The following SLC2A1 variants were observed in gnomAD, a reference collection of about 807,000 sequenced individuals.
SLC2A1 encodes the protein solute carrier family 2 member 1.
SLC2A1 carries 4 observed loss-of-function variants against 46.6 expected under a neutral mutation model. That is an observed-to-expected ratio of 0.09 (90% CI 0.04 to 0.20). SLC2A1 has a LOEUF of 0.20. SLC2A1 is among the 10% of genes least tolerant of loss of function. The pLI, the probability that SLC2A1 is intolerant of heterozygous loss-of-function variation, is 1.00. For missense variants in SLC2A1, 352 were observed against 667.0 expected, an observed-to-expected ratio of 0.53 and a Z score of 5.20; for synonymous variants, 253 against 270.0, an observed-to-expected ratio of 0.94 and a Z score of 0.62.
chr1:42,933,736 G>T (rs949115876), intron 2 of SLC2A1, among the ~76,000 whole-genome samples: 1 of 151,552 alleles, frequency 6.6e-6, no homozygotes. Context: ...CCAGATAAAT[G>T]GCGCTTGCCC....
intron 1 of SLC2A1, among the ~76,000 whole-genome samples, chr1:42,957,498 G>A (rs1220412002): frequency 2.0e-5 from 3 of 152,122 alleles, no homozygotes; most frequent in Admixed American, 1.3e-4. Context: ...AGAAAACAAG[G>A]GCCATCCAGG....
chr1:42,925,788 C>T lies in SLC2A1; in HGVS notation c.*1253G>A, dbSNP rs1224291854. The T allele has an allele frequency of 6.6e-6, 1 of 152,118 alleles. No homozygotes were observed. Among genetic ancestry groups the T allele is most frequent in the African/African-American group, 2.4e-5 (1 of 41,422 alleles). 9.4% of individuals were successfully genotyped at this position (152,118 alleles called of 1,614,324 possible). A position where few individuals can be genotyped will look rare whatever the true frequency, so the allele number is the denominator to read the frequency against. On this transcript the variant is annotated 3_prime_UTR_variant, in exon 10 of 10. Coordinates refer to ENST00000426263, the MANE Select transcript of SLC2A1 (RefSeq NM_006516.4). The stretch of plus-strand genomic sequence containing the variant: ...TTAAAAGCAGGTGTTTTAGCTTATT[C>T]ACTGTGCGACTTCAGGCACATAACC...
intron 1 of SLC2A1, among the ~76,000 whole-genome samples, chr1:42,955,853 C>T (rs3768045): frequency 0.067 from 10,229 of 152,202 alleles, 704 homozygotes; most frequent in African/African-American, 0.16. Context: ...TTCCATCTGT[C>T]CCCTACTTCC....
chr1:42,937,879 G>C (rs1215863520), intron 2 of SLC2A1, among the ~76,000 whole-genome samples: 2 of 152,156 alleles, frequency 1.3e-5, no homozygotes, highest in Non-Finnish European at 2.9e-5. Flanking sequence ...GGCTTGGGTT[G>C]GGAGGCGGGT....
chr1:42,935,089 TGAG>T (rs1449421531), intron 2 of SLC2A1, among the ~76,000 whole-genome samples: 1 of 151,944 alleles, frequency 6.6e-6, no homozygotes, highest in African/African-American at 2.4e-5. Context: ...GCAAGCGTGT[TGAG>T]GAGGGAGGAG....
At position 42,930,425 on chromosome 1, in the gene SLC2A1, G is replaced by A. The variant is rs1439175670; in HGVS notation, c.516+201C>T. 6.5e-6 allele frequency: 5 copies of A among 774,382 alleles called. No homozygotes were observed. The highest frequency in any genetic ancestry group is 9.1e-6 in the Non-Finnish European group (4 of 439,866). 48.0% of individuals were successfully genotyped at this position (774,382 alleles called of 1,614,324 possible). A position where few individuals can be genotyped will look rare whatever the true frequency, so the allele number is the denominator to read the frequency against. ...TGGAAGCCTAGAGTGAGAAGAAAGGGACTGAGAAGAGTCAAGTCATCTTGC... is the reference window on the plus strand; with the variant it reads ...TGGAAGCCTAGAGTGAGAAGAAAGGAACTGAGAAGAGTCAAGTCATCTTGC... On this transcript the variant is annotated intron_variant, in intron 4 of 9. Transcript: ENST00000426263. The surrounding 1 kb of genome is among the most constrained non-coding windows in gnomAD (Gnocchi z 6.2).
At chr1:42,947,577 CACACAAA>C (rs1427215087) in intron 1 of SLC2A1, among the ~76,000 whole-genome samples, 11 of 25,674 alleles carry the variant, frequency 4.3e-4, no homozygotes, top group East Asian at 2.4e-3. Flanking sequence ...CACACACACA[CACACAAA>C]AAAAAAAAAA....
chr1:42,941,616 T>A (rs1030463136), intron 2 of SLC2A1, among the ~76,000 whole-genome samples: 1 of 152,190 alleles, frequency 6.6e-6, no homozygotes, highest in Non-Finnish European at 1.5e-5. Context: ...TTCGAATTGG[T>A]TGGGAAGCTT....
intron 1 of SLC2A1, among the ~76,000 whole-genome samples, chr1:42,950,555 G>A (rs1443852282): frequency 2.0e-5 from 3 of 152,240 alleles, no homozygotes; most frequent in Non-Finnish European, 4.4e-5. Context: ...ACATTTGGTG[G>A]TGAGATGGGC....
In SLC2A1 at chr1:42,930,060, G is replaced by A. The variant is rs201596280; in HGVS notation, c.517-25C>T. ...CCTGGGGGAAGCAGGGGCCGTGAGCGCCTCTGCCCTGACCCCCTTTCCCAC... is the reference window on the plus strand; with the variant it reads ...CCTGGGGGAAGCAGGGGCCGTGAGCACCTCTGCCCTGACCCCCTTTCCCAC... On this transcript the variant is annotated intron_variant, in intron 4 of 9. Transcript: ENST00000426263. This position sits in a 1 kb window ranked among gnomAD's most constrained non-coding sequence, Gnocchi z 6.2. The A allele has an allele frequency of 3.1e-4, 498 of 1,612,894 alleles. 3 individuals carry two copies. The Admixed American group carries it at 7.5e-3, about 24-fold the overall frequency.
chr1:42,929,877 C>G lies in SLC2A1; in HGVS notation c.675G>C (p.Lys225Asn), dbSNP rs1209468941. The G allele has an allele frequency of 6.2e-7, 1 of 1,614,170 alleles. No individual in the cohort carries two copies. Among genetic ancestry groups the G allele is most frequent in the Non-Finnish European group, 8.5e-7 (1 of 1,180,024 alleles). ...LINRNEENRA[K>N]SVLKKLRGTA... ...AGGGCAGGGCCATGCCCGTACCACT[C>G]TTGGCCCGGTTCTCCTCGTTGCGGT... The change falls in exon 5 of 10, where the codon AAG becomes AAC. Residue 225 changes from lysine to asparagine, a missense_variant. This residue lies in a region of SLC2A1 where 167 missense variants were observed against 280.8 expected (regional missense o/e 0.59). Coordinates refer to ENST00000426263, the MANE Select transcript of SLC2A1 (RefSeq NM_006516.4). This position sits in a 1 kb window ranked among gnomAD's most constrained non-coding sequence, Gnocchi z 6.0.
rs1170640739 is a variant in SLC2A1 at position 42,929,059 on chromosome 1, C to A, written c.973-26G>T. The A allele has an allele frequency of 1.9e-6, 3 of 1,608,180 alleles. No individual in the cohort carries two copies. The highest frequency in any genetic ancestry group is 2.6e-6 in the Non-Finnish European group (3 of 1,175,734). ...CTGTGGGCAGAGACAGTGTCAGTGC[C>A]ACCCCTGCCTAGTGCCCTTCTGAAC... On this transcript the variant is annotated intron_variant, in intron 7 of 9. Coordinates refer to ENST00000426263, the MANE Select transcript of SLC2A1 (RefSeq NM_006516.4). The surrounding 1 kb of genome is among the most constrained non-coding windows in gnomAD (Gnocchi z 6.0).
At chr1:42,933,549 T>G (rs1222115191) in intron 2 of SLC2A1, among the ~76,000 whole-genome samples, 1 of 152,142 alleles carries the variant, frequency 6.6e-6, no homozygotes, top group Admixed American at 6.5e-5. Context: ...AACCCCTTGA[T>G]TCTGCTGGGG....
intron 1 of SLC2A1, among the ~76,000 whole-genome samples, chr1:42,952,981 C>T (rs74530057): frequency 0.059 from 9,048 of 152,296 alleles, 949 homozygotes; most frequent in African/African-American, 0.21. Context: ...TAGCTCTCAT[C>T]CCCAGTACAG....
chr1:42,945,767 A>G (rs934846555), intron 1 of SLC2A1, among the ~76,000 whole-genome samples: 1 of 151,726 alleles, frequency 6.6e-6, no homozygotes, highest in Non-Finnish European at 1.5e-5. Context: ...AAAACAAAAA[A>G]CAAGAATGTA....
intron 1 of SLC2A1, among the ~76,000 whole-genome samples, chr1:42,958,057 AC>A (rs1643797337): frequency 6.6e-6 from 1 of 152,072 alleles, no homozygotes; most frequent in Admixed American, 6.5e-5. Flanking sequence ...CGGCCTCGTC[AC>A]CGCGGGGGAC....
At chr1:42,958,036 C>T (rs1570610641) in intron 1 of SLC2A1, among the ~76,000 whole-genome samples, 2 of 152,358 alleles carry the variant, frequency 1.3e-5, no homozygotes, top group East Asian at 3.9e-4. Flanking sequence ...AAAGTGCCCT[C>T]CCCTCGGCCT....
intron 1 of SLC2A1, chr1:42,952,669 CAA>C (rs1643734331): frequency 4.6e-6 from 1 of 218,122 alleles, no homozygotes; most frequent in Non-Finnish European, 9.6e-6. Context: ...GGGCCACACC[CAA>C]GTTATCACAC....
intron 1 of SLC2A1, among the ~76,000 whole-genome samples, chr1:42,958,153 G>A (rs1243659173): frequency 6.6e-6 from 1 of 152,078 alleles, no homozygotes; most frequent in Non-Finnish European, 1.5e-5. Context: ...GGAGCAGACG[G>A]AGAGCGGGGG....
Sources: gnomAD v4.1 joint callset for allele counts (sites outside exome capture counted in the v4.1 genomes callset) on GRCh38, gnomAD v4.1.1 for gene constraint, gnomAD v4.1.1 regional missense constraint, Gnocchi (gnomAD v3.1) non-coding constraint, MANE v1.5 for transcripts, NCBI Gene and HGNC (gene_info 2026-07-23, HGNC 2026-07-21) for gene names.